Variants in CECR2 observed in about 807,000 individuals in gnomAD.
CECR2 encodes chromatin remodeling regulator CECR2.
A neutral mutation model predicts 154.5 loss-of-function variants in CECR2; 30 were observed. That is an observed-to-expected ratio of 0.19 (90% confidence interval 0.15 to 0.26). The LOEUF (loss-of-function observed/expected upper bound fraction) is 0.26, where lower values mean the gene tolerates loss of function less well. CECR2 is among the 10% of genes least tolerant of loss of function. The probability of loss-of-function intolerance (pLI) is 1.00; values close to 1 mark genes in which losing one functional copy is unlikely to be tolerated. For missense variants in CECR2, 1,743 were observed against 1,829.3 expected (o/e 0.95, Z 0.86); for synonymous variants, 725 against 683.7 (o/e 1.06, Z -0.94).
In CECR2 at chr22:17,364,362, A is replaced by G. The variant is rs7286608; in HGVS notation, c.-364+4339A>G. 7.2e-4 allele frequency among the ~76,000 whole-genome samples: 96 copies of G among 133,392 alleles called. 2 individuals are homozygous for G. The highest frequency in any genetic ancestry group is 1.7e-3 in the African/African-American group (53 of 30,330). 87.5% of individuals were successfully genotyped at this position (133,392 alleles called of 152,430 possible). On this transcript the variant is annotated intron_variant, in intron 1 of 18. Coordinates refer to the CECR2 transcript ENST00000400585. The stretch of plus-strand genomic sequence containing the variant: ...TGTCTCAAAAAAAAAAAAAAAAAAA[A>G]GAATTTGTGCCATACTTGGGCTTAG...
chr22:17,383,150 G>A (rs868150978), intron 1 of CECR2, among the ~76,000 whole-genome samples: 3 of 151,996 alleles, frequency 2.0e-5, no homozygotes, highest in South Asian at 2.1e-4. Flanking sequence ...TCTTGAACCC[G>A]GGAGGCGGAG....
At chr22:17,517,306 A>G (rs767295303) in intron 8 of CECR2, among the ~76,000 whole-genome samples, 1 of 152,190 alleles carries the variant, frequency 6.6e-6, no homozygotes, top group African/African-American at 2.4e-5. Context: ...CGCCACGATT[A>G]TAAGTTTCCT....
rs553014049 is a variant in CECR2, at chr22:17,513,661, T to C, written c.954+1765T>C. Among the ~76,000 whole-genome samples the C allele has an allele frequency of 9.8e-5, 15 of 152,348 alleles. 1 individual carries two copies. The South Asian group carries it at 3.1e-3, about 32-fold the overall frequency. ...TCCTCTTCCTCCTAGCAGTCACTAA[T>C]TTCAGAGTGGCCTTTGGTCCCTGGT... On this transcript the variant is annotated intron_variant, in intron 8 of 18. Coordinates refer to ENST00000262608, the MANE Select transcript of CECR2 (RefSeq NM_001290047.2).
intron 1 of CECR2, among the ~76,000 whole-genome samples, chr22:17,431,367 T>C (rs765301909): frequency 1.3e-5 from 2 of 152,226 alleles, no homozygotes; most frequent in South Asian, 2.1e-4. Context: ...GGGAGGATTA[T>C]AGTGTCTGTG....
chr22:17,504,746 C>T, intron 6 of CECR2, 101 bp from the exon 7 acceptor site: 2 of 1,120,300 alleles, frequency 1.8e-6, no homozygotes, highest in South Asian at 1.5e-5. Flanking sequence ...CGGCCGAGTT[C>T]CTTATTTTAG....
At chr22:17,503,060 A>C (rs1477919180) in intron 5 of CECR2, 22 bp from the exon 6 acceptor site, 2 of 1,606,826 alleles carry the variant, frequency 1.2e-6, no homozygotes, top group Non-Finnish European at 1.7e-6. Context: ...TTTAATTGGC[A>C]CCTCTTTTTC....
At position 17,553,209 on chromosome 22, in the gene CECR2, G is replaced by T. The variant is rs561853302; in HGVS notation, c.*369G>T. ...GAATGGAGTGGTGCTTTTAAACTTT[G>T]ATGAGCAGCTAAACTCAGGTATATA... On this transcript the variant is annotated 3_prime_UTR_variant, in exon 19 of 19. Transcript: ENST00000262608. 21 of 199,006 alleles carry T rather than the reference G, an allele frequency of 1.1e-4. No homozygotes were observed. Among genetic ancestry groups the T allele is most frequent in the Non-Finnish European group, 1.7e-4 (17 of 99,006 alleles). The allele number at this position is 199,006 out of a possible 1,614,324, so 12.3% of individuals were successfully genotyped here. A position where few individuals can be genotyped will look rare whatever the true frequency, so the allele number is the denominator to read the frequency against.
chr22:17,382,100 C>T (rs563212786), intron 1 of CECR2, among the ~76,000 whole-genome samples: 142 of 151,676 alleles, frequency 9.4e-4, no homozygotes, highest in African/African-American at 3.3e-3. Context: ...CCGTGTTAGC[C>T]AGGATGGTCT....
chr22:17,523,015 A>AGGGGC (rs2056185705), intron 8 of CECR2, among the ~76,000 whole-genome samples: 1 of 140,298 alleles, frequency 7.1e-6, no homozygotes. Flanking sequence ...GGGGGGAAAA[A>AGGGGC]AAAAAGCCTG....
chr22:17,370,779 C>T (rs2063050663), intron 1 of CECR2, among the ~76,000 whole-genome samples: 1 of 152,172 alleles, frequency 6.6e-6, no homozygotes. Context: ...GGCCAGGCAT[C>T]GGCCAGCCCA....
intron 1 of CECR2, among the ~76,000 whole-genome samples, chr22:17,387,295 A>T (rs2063274682): frequency 6.6e-6 from 1 of 152,122 alleles, no homozygotes; most frequent in African/African-American, 2.4e-5. Context: ...GCAAATCTAT[A>T]TCTTGGCCAG....
intron 3 of CECR2, among the ~76,000 whole-genome samples, 190 bp downstream of exon 3, chr22:17,497,776 C>T (rs2055657807): frequency 6.6e-6 from 1 of 152,134 alleles, no homozygotes; most frequent in Admixed American, 6.6e-5. Flanking sequence ...AGATGTACAT[C>T]CCTATGGAAG....
At chr22:17,464,160 AG>A (rs1418234423) in intron 1 of CECR2, among the ~76,000 whole-genome samples, 1 of 152,188 alleles carries the variant, frequency 6.6e-6, no homozygotes, top group African/African-American at 2.4e-5. Context: ...ACCATCTCTG[AG>A]GCTTCAGTCA....
intron 17 of CECR2, among the ~76,000 whole-genome samples, chr22:17,551,225 C>CGATT (rs1569161033): frequency 6.6e-6 from 1 of 152,142 alleles, no homozygotes; most frequent in Non-Finnish European, 1.5e-5. Flanking sequence ...CATTTCAAAA[C>CGATT]GATTACCACA....
chr22:17,421,208 A>T (rs571188745), intron 1 of CECR2, among the ~76,000 whole-genome samples: 1 of 151,998 alleles, frequency 6.6e-6, no homozygotes, highest in South Asian at 2.1e-4. Context: ...TTGGCTGGGC[A>T]CGGTGGCTCA....
At chr22:17,447,951 A>T (rs1399984921) in intron 1 of CECR2, among the ~76,000 whole-genome samples, 1 of 152,126 alleles carries the variant, frequency 6.6e-6, no homozygotes, top group Non-Finnish European at 1.5e-5. Flanking sequence ...GTGCAAATAG[A>T]GAACAGGTAC....
At chr22:17,447,008 GA>G (rs1251014343) in intron 1 of CECR2, among the ~76,000 whole-genome samples, 3 of 149,292 alleles carry the variant, frequency 2.0e-5, no homozygotes, top group Non-Finnish European at 4.4e-5. Context: ...CATTTTTACA[GA>G]GTGCTGAGTG....
intron 7 of CECR2, among the ~76,000 whole-genome samples, chr22:17,505,618 C>T (rs546771541): frequency 3.2e-4 from 45 of 142,704 alleles, no homozygotes; most frequent in Non-Finnish European, 6.5e-4. Flanking sequence ...ACTGCAACCT[C>T]TGCCTTCCAA....
rs183626253 is a variant in CECR2, at chr22:17,542,458, C to T, written c.2315C>T (p.Ala772Val). 6.8e-6 allele frequency: 11 copies of T among 1,613,972 alleles called. No homozygotes were observed. The African/African-American group carries it at 1.2e-4, about 18-fold the overall frequency. Residue 772 changes from alanine to valine, a missense_variant, in exon 16 of 19, where the codon GCC becomes GTC. This residue lies in a region of CECR2 where 1,250 missense variants were observed against 1,192.1 expected (regional missense o/e 1.05). Coordinates refer to ENST00000262608, the MANE Select transcript of CECR2 (RefSeq NM_001290047.2). The stretch of plus-strand genomic sequence containing the variant: ...AAGTACCTGAATCGAGTACACTCTG[C>T]CGTCTGGAATGGGAACCATGGTGCT... ...SYKYLNRVHS[A>V]VWNGNHGATN... is the part of the protein sequence containing the mutation.
Sources: allele counts gnomAD v4.1 joint callset (sites outside exome capture counted in the v4.1 genomes callset), GRCh38; gene constraint gnomAD v4.1.1; regional missense constraint gnomAD v4.1.1; transcripts MANE v1.5; gene names NCBI Gene and HGNC (gene_info 2026-07-23, HGNC 2026-07-21).